Variants in OR1F1 observed in about 807,000 individuals in gnomAD.
OR1F1 encodes the protein olfactory receptor family 1 subfamily F member 1.
For synonymous variants in OR1F1, 184 were observed against 156.7 expected (o/e 1.17, Z -1.30); for missense variants, 493 against 376.3 (o/e 1.31, Z -2.57).
At chr16:3,200,500 G>A (rs1958124400), upstream of OR1F1, among the ~76,000 whole-genome samples, 1 of 152,118 alleles carries the variant, frequency 6.6e-6, no homozygotes, top group Non-Finnish European at 1.5e-5. Context: ...CCAACTACTC[G>A]GGAGGCTGAG....
chr16:3,203,541 G>A (rs901123116), upstream of OR1F1, among the ~76,000 whole-genome samples: 11 of 152,186 alleles, frequency 7.2e-5, no homozygotes, highest in Non-Finnish European at 1.2e-4. Flanking sequence ...CAAGGCGGGC[G>A]GATCACGAGG....
At chr16:3,190,749 T>TAAAAAAAAAA in the OR1F1 span, among the ~76,000 whole-genome samples, 1 of 92,244 alleles carries the variant, frequency 1.1e-5, no homozygotes, top group African/African-American at 4.4e-5. Context: ...AGACTCTATC[T>TAAAAAAAAAA]AAAAAAAAAA....
exon 1 of OR1F1, chr16:3,205,148 T>C: frequency 1.2e-6 from 2 of 1,611,464 alleles, no homozygotes; most frequent in Non-Finnish European, 1.7e-6. Flanking sequence ...AAAGGGGCTC[T>C]GAAAAAAGTA....
the OR1F1 span, among the ~76,000 whole-genome samples, chr16:3,189,256 G>C: frequency 6.6e-6 from 1 of 152,234 alleles, no homozygotes; most frequent in African/African-American, 2.4e-5. Context: ...TCCAAGGCGA[G>C]CTTGCAGTGA....
In OR1F1 at chr16:3,204,611, AC is replaced by A. The variant is rs1191881738; in HGVS notation, c.366del (p.Phe123LeufsTer14). ...CTCCTAGCTGTGATGGCCTATGACC[AC>A]TTTGTCGCCGTGTGCCACCCCTTAC... On this transcript the variant is annotated frameshift_variant, in exon 1 of 1. Transcript: ENST00000304646. LOFTEE classifies it low-confidence loss of function (END_TRUNC). 5.0e-6 allele frequency: 8 copies of A among 1,613,992 alleles called. No homozygotes were observed. The highest frequency in any genetic ancestry group is 5.1e-6 in the Non-Finnish European group (6 of 1,180,010).
chr16:3,203,901 G>C (rs143589850), upstream of OR1F1, among the ~76,000 whole-genome samples: 2 of 152,296 alleles, frequency 1.3e-5, no homozygotes, highest in African/African-American at 4.8e-5. Context: ...GCAGTCCCTT[G>C]CAATCACCCA....
chr16:3,204,457 A>G (rs1375471317), exon 1 of OR1F1: 2 of 1,614,106 alleles, frequency 1.2e-6, no homozygotes, highest in East Asian at 4.5e-5. Flanking sequence ...TTTTGTGGAC[A>G]TCTGCTTCTC....
chr16:3,192,008 A>G, the OR1F1 span, among the ~76,000 whole-genome samples: 6 of 152,202 alleles, frequency 3.9e-5, no homozygotes, highest in South Asian at 2.1e-4. Flanking sequence ...GTCTAGGGGT[A>G]TGATTCTCGC....
At chr16:3,190,052 A>G in the OR1F1 span, among the ~76,000 whole-genome samples, 1 of 152,162 alleles carries the variant, frequency 6.6e-6, no homozygotes, top group Non-Finnish European at 1.5e-5. Flanking sequence ...CTTCACAGTC[A>G]GACGCCTTAA....
the OR1F1 span, among the ~76,000 whole-genome samples, chr16:3,197,225 G>T: frequency 1.3e-5 from 2 of 150,472 alleles, no homozygotes; most frequent in Non-Finnish European, 3.0e-5. Flanking sequence ...CACCATGTTG[G>T]CCAGGCTGGT....
the OR1F1 span, among the ~76,000 whole-genome samples, chr16:3,190,796 C>A: frequency 1.4e-5 from 2 of 139,466 alleles, no homozygotes; most frequent in Admixed American, 7.1e-5. Context: ...TCATGAACAA[C>A]AAGTCATCAA....
the OR1F1 span, among the ~76,000 whole-genome samples, chr16:3,191,927 G>C: frequency 1.3e-5 from 2 of 152,150 alleles, no homozygotes; most frequent in Non-Finnish European, 2.9e-5. Flanking sequence ...TCGCAGGCTT[G>C]AGCTTTATCG....
At chr16:3,201,923 T>G (rs943482690), upstream of OR1F1, among the ~76,000 whole-genome samples, 15 of 152,160 alleles carry the variant, frequency 9.9e-5, no homozygotes, top group Non-Finnish European at 2.1e-4. Flanking sequence ...AAAATGGGTA[T>G]AAATATGGCT....
At chr16:3,199,576 C>T (rs1259120542), upstream of OR1F1, among the ~76,000 whole-genome samples, 3 of 152,044 alleles carry the variant, frequency 2.0e-5, no homozygotes, top group Non-Finnish European at 4.4e-5. Flanking sequence ...AGCGGGCCTC[C>T]CACCTTGGCC....
chr16:3,203,135 G>T (rs543117026), upstream of OR1F1, among the ~76,000 whole-genome samples: 1 of 152,318 alleles, frequency 6.6e-6, no homozygotes, highest in South Asian at 2.1e-4. Flanking sequence ...CAGGAATTAT[G>T]TATGACAAAG....
At chr16:3,193,493 G>T in the OR1F1 span, among the ~76,000 whole-genome samples, 1 of 152,250 alleles carries the variant, frequency 6.6e-6, no homozygotes, top group Admixed American at 6.5e-5. Flanking sequence ...CGCCGGTGGC[G>T]CGAGGACGCA....
At chr16:3,193,894 T>G in the OR1F1 span, among the ~76,000 whole-genome samples, 1 of 152,322 alleles carries the variant, frequency 6.6e-6, no homozygotes, top group South Asian at 2.1e-4. Flanking sequence ...TCTTTTAATA[T>G]TCTCAGTAGG....
chr16:3,199,115 CAAAAAAAAAAAAAAAAAAAAAAAA>C, the OR1F1 span, among the ~76,000 whole-genome samples: 4 of 52,550 alleles, frequency 7.6e-5, no homozygotes, highest in Non-Finnish European at 1.1e-4. Context: ...CCTGTCTCTA[CAAAAAAAAAAAAAAAAAAAAAAAA>C]AAAAAAAAAA....
the OR1F1 span, among the ~76,000 whole-genome samples, chr16:3,197,578 T>C: frequency 1.7e-5 from 2 of 119,806 alleles, no homozygotes; most frequent in African/African-American, 6.9e-5. Flanking sequence ...AGCTTAAATG[T>C]GGCCACATGT....
Sources: allele counts gnomAD v4.1 joint callset (sites outside exome capture counted in the v4.1 genomes callset), GRCh38; gene constraint gnomAD v4.1.1; transcripts MANE v1.5; gene names NCBI Gene and HGNC (gene_info 2026-07-23, HGNC 2026-07-21).